The following TSC22D1 variants were observed in gnomAD, a reference collection of about 807,000 sequenced individuals.
TSC22D1 encodes the protein TSC22 domain family member 1.
In TSC22D1, 9 loss-of-function variants were observed where a neutral mutation model predicts 74.2. The ratio of observed to expected loss-of-function variants is 0.12; its 90% CI spans 0.07 to 0.21. The LOEUF is 0.21. Among genes scored for constraint, TSC22D1 ranks in the 10% least tolerant of loss-of-function variants. The pLI, the probability that TSC22D1 is intolerant of heterozygous loss-of-function variation, is 1.00. For synonymous variants in TSC22D1, 586 were observed against 492.5 expected (o/e 1.19, Z -2.51); for missense variants, 1,427 against 1,304.7 (o/e 1.09, Z -1.44).
upstream of TSC22D1, chr13:44,576,916 G>A (rs1884289882): frequency 1.3e-5 from 2 of 153,050 alleles, no homozygotes; most frequent in South Asian, 3.7e-4. Flanking sequence ...CCTCCCTCAG[G>A]GCAGGCGCCT....
At chr13:44,466,428 G>T (rs919169673) in intron 1 of TSC22D1, among the ~76,000 whole-genome samples, 2 of 152,302 alleles carry the variant, frequency 1.3e-5, no homozygotes, top group East Asian at 3.9e-4. Flanking sequence ...GGCAACAAAA[G>T]TTTTCAAACT....
chr13:44,571,417 T>A (rs1883757476), intron 1 of TSC22D1, among the ~76,000 whole-genome samples: 1 of 152,210 alleles, frequency 6.6e-6, no homozygotes, highest in Non-Finnish European at 1.5e-5. Flanking sequence ...AAGGGCAAGC[T>A]GTGGAAAATC....
At chr13:44,524,157 C>A (rs768005510) in intron 1 of TSC22D1, among the ~76,000 whole-genome samples, 13 of 151,998 alleles carry the variant, frequency 8.6e-5, no homozygotes, top group South Asian at 2.1e-4. Context: ...AGTAGAACAG[C>A]CTACTTCTAA....
chr13:44,451,561 T>C (rs1300899852), intron 1 of TSC22D1: 1 of 152,236 alleles, frequency 6.6e-6, no homozygotes, highest in African/African-American at 2.4e-5. Flanking sequence ...TGGGTCGACA[T>C]GCTAGTAAGG....
At chr13:44,462,565 C>A (rs931169433) in intron 1 of TSC22D1, among the ~76,000 whole-genome samples, 1 of 152,078 alleles carries the variant, frequency 6.6e-6, no homozygotes, top group African/African-American at 2.4e-5. Flanking sequence ...CATTTACAAG[C>A]CTACAAATGG....
Position 44,437,728 on chromosome 13 carries a change from CTCT to C in TSC22D1, c.2913-1636_2913-1634del, listed in dbSNP as rs543366596. The stretch of plus-strand genomic sequence containing the variant: ...GTTTTTGCAAGCTGAGTGACAATTC[CTCT>C]AAGACTCAATCCCTCAATCCTATGA... On this transcript the variant is annotated intron_variant, in intron 1 of 2. Transcript: ENST00000458659. Among the ~76,000 whole-genome samples, 15 of 152,302 alleles carry C rather than the reference CTCT, an allele frequency of 9.8e-5. 1 individual carries two copies. In the East Asian group the frequency reaches 2.7e-3, roughly 27 times the overall value.
At chr13:44,547,074 T>G (rs1484389292) in intron 1 of TSC22D1, among the ~76,000 whole-genome samples, 1 of 152,058 alleles carries the variant, frequency 6.6e-6, no homozygotes, top group Non-Finnish European at 1.5e-5. Context: ...TGTACTAAAT[T>G]TTTGCAACTT....
At chr13:44,573,119 C>T (rs1473320918) in intron 1 of TSC22D1, 44 bp downstream of exon 1, 2 of 1,588,598 alleles carry the variant, frequency 1.3e-6, no homozygotes, top group South Asian at 1.2e-5. Flanking sequence ...AATAGATTAA[C>T]TTCAAATCTG....
At position 44,434,328 on chromosome 13, in the gene TSC22D1, C is replaced by T. The variant is rs1874331387; in HGVS notation, c.*298G>A. 7.2e-7 allele frequency: 1 copy of T among 1,379,754 alleles called. No individual in the cohort carries two copies. The highest frequency in any genetic ancestry group is 9.3e-7 in the Non-Finnish European group (1 of 1,076,736). The allele number at this position is 1,379,754 out of a possible 1,614,324, so 85.5% of individuals were successfully genotyped here. On this transcript the variant is annotated 3_prime_UTR_variant, in exon 3 of 3. Coordinates refer to ENST00000458659, the MANE Select transcript of TSC22D1 (RefSeq NM_183422.4). ...TAGGGAGCCGGAAGGGATGGAAAGG[C>T]ACACAGCTCCTGAGCATGAATTAAA...
At chr13:44,539,498 A>C in intron 1 of TSC22D1, 2 of 985,420 alleles carry the variant, frequency 2.0e-6, no homozygotes, top group Non-Finnish European at 2.4e-6. Context: ...ATGGGTAGAT[A>C]TTCCCGTTTT....
intron 1 of TSC22D1, among the ~76,000 whole-genome samples, chr13:44,473,607 G>A (rs201234190): frequency 0.025 from 2 of 80 alleles, no homozygotes; most frequent in African/African-American, 0.045. Context: ...CAGTATATAT[G>A]TGTGTGTGTG....
At chr13:44,438,181 A>G (rs990471173) in intron 1 of TSC22D1, among the ~76,000 whole-genome samples, 3 of 152,222 alleles carry the variant, frequency 2.0e-5, no homozygotes, top group Non-Finnish European at 2.9e-5. Flanking sequence ...ACTGCCCTCT[A>G]ATGGCATAAT....
At chr13:44,456,610 T>C (rs1876668299) in intron 1 of TSC22D1, among the ~76,000 whole-genome samples, 3 of 152,148 alleles carry the variant, frequency 2.0e-5, no homozygotes, top group Non-Finnish European at 1.5e-5. Flanking sequence ...TTCTCTAGTA[T>C]AGCCAACACT....
intron 1 of TSC22D1, among the ~76,000 whole-genome samples, chr13:44,469,779 C>A (rs147902913): frequency 7.8e-4 from 119 of 152,144 alleles, no homozygotes; most frequent in African/African-American, 2.7e-3. Context: ...TCCACTTACT[C>A]GTCTACTATG....
intron 1 of TSC22D1, among the ~76,000 whole-genome samples, chr13:44,443,611 G>T (rs1173159012): frequency 6.6e-6 from 1 of 152,206 alleles, no homozygotes; most frequent in African/African-American, 2.4e-5. Context: ...CTTCTCAAAA[G>T]GCTGAGGTGG....
chr13:44,478,549 T>TGGG (rs71685129), intron 1 of TSC22D1, among the ~76,000 whole-genome samples: 22 of 151,926 alleles, frequency 1.4e-4, no homozygotes, highest in African/African-American at 3.6e-4. Context: ...GCTCAAAATC[T>TGGG]GGGGGGGAAG....
chr13:44,517,984 G>C (rs542201298), intron 1 of TSC22D1, among the ~76,000 whole-genome samples: 26 of 145,300 alleles, frequency 1.8e-4, no homozygotes, highest in African/African-American at 6.3e-4. Context: ...AGCCTCCAGA[G>C]TAGCTGGGGC....
At chr13:44,565,783 C>G (rs917129940) in intron 1 of TSC22D1, among the ~76,000 whole-genome samples, 10 of 152,116 alleles carry the variant, frequency 6.6e-5, no homozygotes, top group Non-Finnish European at 1.2e-4. Flanking sequence ...GTCTTGAACT[C>G]CTGAGCTCAA....
Position 44,576,087 on chromosome 13 carries a change from C to A in TSC22D1, c.-13G>T. On this transcript the variant is annotated 5_prime_UTR_variant, in exon 1 of 3. Transcript: ENST00000458659. ...GCGGCTGGTGCATTGTGTTGGGTAC[C>A]GGGGGCGCGGAGGAGACGAGTGCAA... 6.6e-7 allele frequency: 1 copy of A among 1,518,204 alleles called. No individual in the cohort carries two copies. Among genetic ancestry groups the A allele is most frequent in the South Asian group, 1.2e-5 (1 of 80,354 alleles). The allele number at this position is 1,518,204 out of a possible 1,614,324, so 94.0% of individuals were successfully genotyped here.
Sources: allele counts gnomAD v4.1 joint callset (sites outside exome capture counted in the v4.1 genomes callset), GRCh38; gene constraint gnomAD v4.1.1; transcripts MANE v1.5; gene names NCBI Gene and HGNC (gene_info 2026-07-23, HGNC 2026-07-21).